Variants in PCDHGB2 observed in about 807,000 individuals in gnomAD.
PCDHGB2 encodes the protein protocadherin gamma subfamily B, 2.
Under a neutral mutation model 59.3 loss-of-function variants are expected in PCDHGB2, and 55 were observed. That is an observed-to-expected ratio of 0.93 (90% CI 0.75 to 1.16). The LOEUF is 1.16. Ranked by LOEUF, PCDHGB2 falls within the 50% of genes most tolerant of loss-of-function variation. The probability of loss-of-function intolerance (pLI) is 0.00; values close to 1 mark genes in which losing one functional copy is unlikely to be tolerated. For synonymous variants in PCDHGB2, 516 were observed against 512.0 expected, an observed-to-expected ratio of 1.01 and a Z score of -0.11; for missense variants, 1,228 against 1,198.5, an observed-to-expected ratio of 1.02 and a Z score of -0.36.
intron 1 of PCDHGB2, chr5:141,408,715 G>T: frequency 1.9e-6 from 3 of 1,612,078 alleles, no homozygotes; most frequent in Non-Finnish European, 2.5e-6. Flanking sequence ...AAGATTATAA[G>T]ATAAACTCTA....
chr5:141,454,990 T>C (rs548911982), intron 1 of PCDHGB2, among the ~76,000 whole-genome samples: 1 of 151,490 alleles, frequency 6.6e-6, no homozygotes, highest in African/African-American at 2.4e-5. Context: ...TAAAAAATAT[T>C]TTTAGTAGAG....
At chr5:141,409,712 T>C (rs1049603081) in intron 1 of PCDHGB2, 5 of 1,613,122 alleles carry the variant, frequency 3.1e-6, no homozygotes, top group Non-Finnish European at 4.2e-6. Flanking sequence ...GGTGTCGTCA[T>C]ACGTGTCAGT....
chr5:141,375,470 G>A (rs1771485342), intron 1 of PCDHGB2: 1 of 1,613,784 alleles, frequency 6.2e-7, no homozygotes, highest in Admixed American at 1.7e-5. Flanking sequence ...CTATGTCCTT[G>A]AAAACAACCC....
In PCDHGB2 at chr5:141,361,408, A is replaced by C. The variant is rs1561523474; in HGVS notation, c.1273A>C (p.Thr425Pro). ...IPEYNLTITA[T>P]DGGKPPLSSS... ...AGAATACAATCTCACCATCACAGCC[A>C]CCGACGGGGGCAAGCCGCCCCTCTC... Residue 425 changes from threonine to proline, a missense_variant, in exon 1 of 4, where the codon ACC becomes CCC. Physicochemically the swap from Thr to Pro is conservative, Grantham distance 38. Around this residue, in one of 3 missense-constraint regions of PCDHGB2, gnomAD observed 781 missense variants for 721.6 expected, o/e 1.08. Coordinates refer to ENST00000522605, the MANE Select transcript of PCDHGB2 (RefSeq NM_018923.3). The C allele has an allele frequency of 3.1e-6, 5 of 1,614,054 alleles. No homozygotes were observed. In the South Asian group the frequency reaches 5.5e-5, roughly 18 times the overall value.
chr5:141,423,759 G>GGC, intron 1 of PCDHGB2: 9 of 321,042 alleles, frequency 2.8e-5, no homozygotes, highest in Non-Finnish European at 3.6e-5. Context: ...TTGGGGGGGG[G>GGC]GTGGGGCGGC....
intron 1 of PCDHGB2, among the ~76,000 whole-genome samples, chr5:141,429,503 C>T (rs890656634): frequency 1.3e-5 from 2 of 151,922 alleles, no homozygotes; most frequent in Admixed American, 6.6e-5. Context: ...TTGCCTGAAA[C>T]TGTGCCTGGC....
intron 1 of PCDHGB2, among the ~76,000 whole-genome samples, chr5:141,381,542 G>T (rs1245817082): frequency 2.0e-5 from 3 of 152,172 alleles, no homozygotes; most frequent in African/African-American, 7.2e-5. Context: ...CTAGGATGAA[G>T]ACTTGAATTG....
chr5:141,410,847 G>GTATTTTTTT, intron 1 of PCDHGB2: 1 of 158,252 alleles, frequency 6.3e-6, no homozygotes, highest in African/African-American at 8.4e-5. Context: ...TTTTGTCTTT[G>GTATTTTTTT]TCTTTTTTTT....
At chr5:141,470,589 G>A (rs1593264687) in intron 1 of PCDHGB2, among the ~76,000 whole-genome samples, 1 of 152,300 alleles carries the variant, frequency 6.6e-6, no homozygotes, top group East Asian at 1.9e-4. Flanking sequence ...TCATAGGCAG[G>A]CGACCTGTGC....
At chr5:141,399,205 A>G (rs1344993471) in intron 1 of PCDHGB2, 1 of 1,613,982 alleles carries the variant, frequency 6.2e-7, no homozygotes, top group Admixed American at 1.7e-5. Flanking sequence ...GGTGCCTGGA[A>G]CACTAATTGC....
Position 141,361,189 on chromosome 5 carries a change from G to A in PCDHGB2, c.1054G>A (p.Val352Ile). 1.9e-6 allele frequency: 3 copies of A among 1,613,964 alleles called. No homozygotes were observed. Among genetic ancestry groups the A allele is most frequent in the Non-Finnish European group, 1.7e-6 (2 of 1,179,888 alleles). ...TGCACCTGAAGTTATTGTGACTTCA[G>A]TATCTACTCCCCTACCGGAGGATTC... The part of the protein sequence containing the change: ...DCAPEVIVTS[V>I]STPLPEDSPP... The change falls in exon 1 of 4, where the codon GTA (valine) becomes ATA (isoleucine). Residue 352 changes from valine to isoleucine, a missense_variant. Transcript: ENST00000522605.
At chr5:141,370,379 A>AGGCGCAGAGAGCGGGAAG in intron 1 of PCDHGB2, 1 of 1,529,484 alleles carries the variant, frequency 6.5e-7, no homozygotes, top group Non-Finnish European at 8.8e-7. Context: ...AGAAAGGCAA[A>AGGCGCAGAGAGCGGGAAG]GGCGCAGAGA....
chr5:141,371,367 G>T, intron 1 of PCDHGB2: 1 of 1,613,892 alleles, frequency 6.2e-7, no homozygotes, highest in South Asian at 1.1e-5. Context: ...AAAGGATGGT[G>T]GACATCACAC....
chr5:141,364,438 G>C (rs766900400), intron 1 of PCDHGB2: 111 of 1,613,704 alleles, frequency 6.9e-5, no homozygotes, highest in Non-Finnish European at 8.6e-5. Context: ...ACTCGATGCC[G>C]GAGGAGCTGG....
In PCDHGB2 at chr5:141,432,847, G is replaced by C. The variant is rs768265171; in HGVS notation, c.2422-61960G>C. ...ACCTCACTCTGTACCTGGTGGTAGC[G>C]GTGGCCGCGGTCTCCTGCGTCTTCC... On this transcript the variant is annotated intron_variant, in intron 1 of 3. Transcript: ENST00000522605. The surrounding 1 kb of genome is among the most constrained non-coding windows in gnomAD (Gnocchi z 6.0). The C allele has an allele frequency of 1.2e-6, 2 of 1,614,180 alleles. No homozygotes were observed. Among genetic ancestry groups the C allele is most frequent in the Admixed American group, 1.7e-5 (1 of 60,032 alleles).
chr5:141,495,603 C>T (rs2099762369), intron 2 of PCDHGB2, among the ~76,000 whole-genome samples: 1 of 152,238 alleles, frequency 6.6e-6, no homozygotes, highest in Non-Finnish European at 1.5e-5. Flanking sequence ...TAGCTTCCGT[C>T]TTGATTGCTG....
At chr5:141,374,737 C>A in intron 1 of PCDHGB2, 2 of 1,610,672 alleles carry the variant, frequency 1.2e-6, no homozygotes, top group Non-Finnish European at 1.7e-6. Context: ...TGGATGGCGG[C>A]GACCCTGTCC....
intron 1 of PCDHGB2, chr5:141,382,881 C>G (rs780011802): frequency 6.5e-7 from 1 of 1,527,170 alleles, no homozygotes; most frequent in South Asian, 1.3e-5. Context: ...GGCGCCTAAG[C>G]AAGAGAAGCA....
chr5:141,485,682 A>G lies in PCDHGB2; in HGVS notation c.2422-9125A>G, dbSNP rs779441999. Reference sequence around the variant, plus strand: ...GTGGGGAGCAATTCGATTAGCAGCTATAGGCTGAGCTCCAATGAACACTTT... The same window carrying G: ...GTGGGGAGCAATTCGATTAGCAGCTGTAGGCTGAGCTCCAATGAACACTTT... On this transcript the variant is annotated intron_variant, in intron 1 of 3. Coordinates refer to ENST00000522605, the MANE Select transcript of PCDHGB2 (RefSeq NM_018923.3). This position sits in a 1 kb window ranked among gnomAD's most constrained non-coding sequence, Gnocchi z 5.7. 6.2e-7 allele frequency: 1 copy of G among 1,614,076 alleles called. No homozygotes were observed. Among genetic ancestry groups the G allele is most frequent in the Non-Finnish European group, 8.5e-7 (1 of 1,179,964 alleles).
Sources: gnomAD v4.1 joint callset for allele counts (sites outside exome capture counted in the v4.1 genomes callset) on GRCh38, gnomAD v4.1.1 for gene constraint, gnomAD v4.1.1 regional missense constraint, Gnocchi (gnomAD v3.1) non-coding constraint, MANE v1.5 for transcripts, NCBI Gene and HGNC (gene_info 2026-07-23, HGNC 2026-07-21) for gene names.